Variants in VAV2 observed in about 807,000 individuals in gnomAD.
The protein encoded by VAV2 is guanine nucleotide exchange factor VAV2.
VAV2 carries 67 observed loss-of-function variants against 132.5 expected under a neutral mutation model. The ratio of observed to expected loss-of-function variants is 0.51; its 90% CI spans 0.42 to 0.62. VAV2 has a LOEUF of 0.62. Ranked by LOEUF, VAV2 falls within the 20% of genes least tolerant of loss-of-function variation. The probability of loss-of-function intolerance (pLI) is 0.00; values close to 1 mark genes in which losing one functional copy is unlikely to be tolerated. For missense variants in VAV2, 938 were observed against 1,153.6 expected (o/e 0.81, Z 2.71); for synonymous variants, 492 against 443.5 (o/e 1.11, Z -1.37).
In VAV2 at chr9:133,763,389, A is replaced by G. The variant is rs1273641690; in HGVS notation, c.*673T>C. 6.6e-6 allele frequency: 1 copy of G among 152,104 alleles called. No individual in the cohort carries two copies. Among genetic ancestry groups the G allele is most frequent in the Non-Finnish European group, 1.5e-5 (1 of 68,024 alleles). 9.4% of individuals were successfully genotyped at this position (152,104 alleles called of 1,614,324 possible). A position where few individuals can be genotyped will look rare whatever the true frequency, so the allele number is the denominator to read the frequency against. On this transcript the variant is annotated 3_prime_UTR_variant, in exon 30 of 30. Transcript: ENST00000371850. The surrounding 1 kb of genome is among the most constrained non-coding windows in gnomAD (Gnocchi z 6.8). Reference sequence around the variant, plus strand: ...CATCATTCCAAAGGCCCCTCCCAAGAGAGGGGCCTGCCGTGTGGGGTCCGG... The same window carrying G: ...CATCATTCCAAAGGCCCCTCCCAAGGGAGGGGCCTGCCGTGTGGGGTCCGG...
intron 4 of VAV2, among the ~76,000 whole-genome samples, chr9:133,816,989 A>T (rs576677361): frequency 6.6e-6 from 1 of 152,344 alleles, no homozygotes; most frequent in Non-Finnish European, 1.5e-5. Context: ...TCTCCATGTA[A>T]ACTTTACAAC....
At chr9:133,764,490 G>A (rs1353864729) in intron 29 of VAV2, among the ~76,000 whole-genome samples, 2 of 152,158 alleles carry the variant, frequency 1.3e-5, no homozygotes, top group Non-Finnish European at 2.9e-5. Context: ...CAGGTATTGA[G>A]GTCATCTGTC....
chr9:133,767,160 G>A (rs561655996), intron 29 of VAV2, among the ~76,000 whole-genome samples: 283 of 152,196 alleles, frequency 1.9e-3, no homozygotes, highest in Non-Finnish European at 3.0e-3. Context: ...ATGTAAATGG[G>A]CTATATATGC....
rs1403657656 is a variant in VAV2, at chr9:133,768,007, AC to A, written c.2589+434del. Among the ~76,000 whole-genome samples the A allele has an allele frequency of 6.6e-6, 1 of 152,186 alleles. No individual in the cohort carries two copies. Among genetic ancestry groups the A allele is most frequent in the Non-Finnish European group, 1.5e-5 (1 of 68,044 alleles). The stretch of plus-strand genomic sequence containing the variant: ...GGACACACTGTGTCCCTACTGCCTC[AC>A]CAGGGCATAGATAGGGCCTTAGAAA... On this transcript the variant is annotated intron_variant, in intron 29 of 29. Coordinates refer to ENST00000371850, the MANE Select transcript of VAV2 (RefSeq NM_001134398.2). This position sits in a 1 kb window ranked among gnomAD's most constrained non-coding sequence, Gnocchi z 5.3.
intron 13 of VAV2, among the ~76,000 whole-genome samples, chr9:133,790,530 AAAC>A (rs934460684): frequency 1.3e-5 from 2 of 152,178 alleles, no homozygotes; most frequent in Admixed American, 1.3e-4. Flanking sequence ...TTAAAAAACA[AAAC>A]AAAACGAACT....
At chr9:133,923,539 T>C (rs1237757574) in intron 2 of VAV2, among the ~76,000 whole-genome samples, 3 of 152,204 alleles carry the variant, frequency 2.0e-5, no homozygotes, top group African/African-American at 7.2e-5. Context: ...TTTTACACTG[T>C]TGGTGGGAGT....
At chr9:133,921,510 C>T (rs1320361725) in intron 2 of VAV2, among the ~76,000 whole-genome samples, 1 of 152,194 alleles carries the variant, frequency 6.6e-6, no homozygotes, top group African/African-American at 2.4e-5. Flanking sequence ...AGTTGTGTCT[C>T]ACTCGAAGAA....
chr9:133,789,414 C>A lies in VAV2; in HGVS notation c.1189-71G>T, dbSNP rs544131308. 3.0e-4 allele frequency: 445 copies of A among 1,489,208 alleles called. 3 individuals are homozygous for A. In the South Asian group the frequency reaches 4.7e-3, roughly 16 times the overall value. 92.2% of individuals were successfully genotyped at this position (1,489,208 alleles called of 1,614,324 possible). A position where few individuals can be genotyped will look rare whatever the true frequency, so the allele number is the denominator to read the frequency against. On this transcript the variant is annotated intron_variant, in intron 13 of 29. Transcript: ENST00000371850. Reference sequence around the variant, plus strand: ...AGTTCTCCTGACCGCACGGGCAGGGCAGACTGTCGTGCACCCAAGGGAACT... The same window carrying A: ...AGTTCTCCTGACCGCACGGGCAGGGAAGACTGTCGTGCACCCAAGGGAACT...
chr9:133,966,695 G>T (rs1842150355), intron 1 of VAV2, among the ~76,000 whole-genome samples: 1 of 151,096 alleles, frequency 6.6e-6, no homozygotes, highest in Non-Finnish European at 1.5e-5. Context: ...GCAAGATCCT[G>T]ACTCAAAAAA....
rs191480536 is a variant in VAV2 at position 133,893,759 on chromosome 9, C to T, written c.322-32327G>A. Among the ~76,000 whole-genome samples, 12 of 152,302 alleles carry T rather than the reference C, an allele frequency of 7.9e-5. No homozygotes were observed. The East Asian group carries it at 1.5e-3, about 20-fold the overall frequency. On this transcript the variant is annotated intron_variant, in intron 2 of 29. Transcript: ENST00000371850. ...GGGACGGTGATTCCACCCACAGCCGCGATGACCGAGGCCCAGCATCGCAGC... is the reference window on the plus strand; with the variant it reads ...GGGACGGTGATTCCACCCACAGCCGTGATGACCGAGGCCCAGCATCGCAGC...
chr9:133,814,669 A>C (rs1835489261), intron 4 of VAV2, among the ~76,000 whole-genome samples: 1 of 152,226 alleles, frequency 6.6e-6, no homozygotes, highest in Non-Finnish European at 1.5e-5. Flanking sequence ...CCGTGCAGGG[A>C]TGGCAAACGG....
intron 3 of VAV2, among the ~76,000 whole-genome samples, chr9:133,858,242 G>A (rs1364025402): frequency 6.6e-6 from 1 of 152,198 alleles, no homozygotes; most frequent in African/African-American, 2.4e-5. Context: ...TGGGCATGCA[G>A]GATCAGTGTG....
rs1486910822 is a variant in VAV2 at position 133,833,082 on chromosome 9, A to G, written c.449+1190T>C. The stretch of plus-strand genomic sequence containing the variant: ...CCAAGGACCCCGTGGCCAGCCCAGC[A>G]TCAAAGGGATGGGCTGGTGGCAGCT... On this transcript the variant is annotated intron_variant, in intron 4 of 29. Coordinates refer to ENST00000371850, the MANE Select transcript of VAV2 (RefSeq NM_001134398.2). The surrounding 1 kb of genome is among the most constrained non-coding windows in gnomAD (Gnocchi z 5.6). Among the ~76,000 whole-genome samples the G allele has an allele frequency of 6.6e-6, 1 of 152,184 alleles. No individual in the cohort carries two copies. The highest frequency in any genetic ancestry group is 2.4e-5 in the African/African-American group (1 of 41,452).
chr9:133,939,780 G>A (rs145015497), intron 1 of VAV2, among the ~76,000 whole-genome samples: 175 of 152,368 alleles, frequency 1.1e-3, no homozygotes, highest in African/African-American at 4.0e-3. Context: ...AATCACGGGT[G>A]ACAAAGCCAA....
intron 4 of VAV2, among the ~76,000 whole-genome samples, chr9:133,813,843 C>T (rs2131708407): frequency 6.6e-6 from 1 of 152,354 alleles, no homozygotes; most frequent in Middle Eastern, 3.4e-3. Context: ...GGGCAAGCCC[C>T]TCTGTGTGCC....
rs1444868315 is a variant in VAV2, at chr9:133,961,492, AC to A, written c.205-22274del. On this transcript the variant is annotated intron_variant, in intron 1 of 29. Coordinates refer to ENST00000371850, the MANE Select transcript of VAV2 (RefSeq NM_001134398.2). This position sits in a 1 kb window ranked among gnomAD's most constrained non-coding sequence, Gnocchi z 4.1. ...TCTCCAACCCAGTCGGGTTTCAGTGACCCAAGGTCAGAGGCATGGAGGGAGC... is the reference window on the plus strand; with the variant it reads ...TCTCCAACCCAGTCGGGTTTCAGTGACCAAGGTCAGAGGCATGGAGGGAGC... 6.6e-6 allele frequency among the ~76,000 whole-genome samples: 1 copy of A among 152,024 alleles called. No homozygotes were observed. The highest frequency in any genetic ancestry group is 6.6e-5 in the Admixed American group (1 of 15,264).
At chr9:133,839,099 G>T (rs1038303502) in intron 3 of VAV2, among the ~76,000 whole-genome samples, 1 of 151,398 alleles carries the variant, frequency 6.6e-6, no homozygotes, top group African/African-American at 2.4e-5. Context: ...TGGGTGCATG[G>T]ATGGATGGAT....
intron 5 of VAV2, among the ~76,000 whole-genome samples, chr9:133,811,180 A>G (rs550321375): frequency 1.3e-5 from 2 of 152,246 alleles, no homozygotes; most frequent in African/African-American, 4.8e-5. Flanking sequence ...CTCAGTCGAG[A>G]CCCTTCGAGG....
intron 3 of VAV2, among the ~76,000 whole-genome samples, chr9:133,858,443 G>C (rs747649621): frequency 6.6e-6 from 1 of 152,126 alleles, no homozygotes; most frequent in Non-Finnish European, 1.5e-5. Flanking sequence ...TATGGGGAGG[G>C]GATAAATGGA....
Sources: allele counts gnomAD v4.1 joint callset (sites outside exome capture counted in the v4.1 genomes callset), GRCh38; gene constraint gnomAD v4.1.1; non-coding constraint Gnocchi (gnomAD v3.1); transcripts MANE v1.5; gene names NCBI Gene and HGNC (gene_info 2026-07-23, HGNC 2026-07-21).